The following TIE1 variants were observed in gnomAD, a reference collection of about 807,000 sequenced individuals.
TIE1 encodes the protein tyrosine kinase with immunoglobulin like and EGF like domains 1.
In TIE1, 89 loss-of-function variants were observed where a neutral mutation model predicts 130.5. The ratio of observed to expected loss-of-function variants is 0.68; its 90% CI spans 0.57 to 0.81. TIE1 has a LOEUF of 0.81. Among genes scored for constraint, TIE1 ranks in the 40% least tolerant of loss-of-function variants. The probability of loss-of-function intolerance (pLI) is 0.00; values close to 1 mark genes in which losing one functional copy is unlikely to be tolerated. For synonymous variants in TIE1, 568 were observed against 629.4 expected (o/e 0.90, Z 1.46); for missense variants, 1,392 against 1,559.8 (o/e 0.89, Z 1.81).
rs144134618 is a variant in TIE1 at position 43,319,462 on chromosome 1, C to T, written c.3040C>T (p.Arg1014Cys). 55 of 1,614,002 alleles carry T rather than the reference C, an allele frequency of 3.4e-5. No individual in the cohort carries two copies. The highest frequency in any genetic ancestry group is 1.7e-4 in the African/African-American group (13 of 74,902). Residue 1014 changes from arginine to cysteine, a missense_variant, in exon 19 of 23, where the codon CGT becomes TGT. Arg to Cys is a radical substitution (Grantham distance 180). This residue lies in a region of TIE1 where 286 missense variants were observed against 354.4 expected (regional missense o/e 0.81). Coordinates refer to ENST00000372476, the MANE Select transcript of TIE1 (RefSeq NM_005424.5). This position sits in a 1 kb window ranked among gnomAD's most constrained non-coding sequence, Gnocchi z 4.7. Reference protein sequence around the residue: ...EEVYVKKTMGRLPVRWMAIES... With the variant: ...EEVYVKKTMGCLPVRWMAIES... ...CCTCAAACCCATTCTCTCCTAGGGG[C>T]GTCTCCCTGTGCGCTGGATGGCCAT...
chr1:43,321,054 A>AG (rs1646913803), intron 19 of TIE1, among the ~76,000 whole-genome samples: 1 of 105,586 alleles, frequency 9.5e-6, no homozygotes, highest in Non-Finnish European at 2.1e-5. Flanking sequence ...AAAAAAAAAA[A>AG]CAAAACAAAA....
intron 10 of TIE1, 69 bp downstream of exon 10, chr1:43,311,898 G>C: frequency 5.1e-6 from 8 of 1,578,384 alleles, no homozygotes; most frequent in Non-Finnish European, 6.9e-6. Flanking sequence ...GTGAGCAGGA[G>C]AGGGAGGGCA....
In TIE1 at chr1:43,313,086, A is replaced by G. The variant is rs1646815852; in HGVS notation, c.1928-49A>G. 3 of 1,557,410 alleles carry G rather than the reference A, an allele frequency of 1.9e-6. No homozygotes were observed. The highest frequency in any genetic ancestry group is 2.6e-6 in the Non-Finnish European group (3 of 1,150,764). ...AGCAGATGTGTCCAGCCCCACAGCT[A>G]CATAGCCCGGTCCTATCTGAGCCTT... On this transcript the variant is annotated intron_variant, in intron 12 of 22. Transcript: ENST00000372476. This position sits in a 1 kb window ranked among gnomAD's most constrained non-coding sequence, Gnocchi z 6.2.
intron 19 of TIE1, chr1:43,320,976 T>C: frequency 2.3e-6 from 1 of 440,492 alleles, no homozygotes; most frequent in South Asian, 3.1e-5. Context: ...CCTGGGAGGT[T>C]GAGGCTGCAG....
rs1453714832 is a variant in TIE1 at position 43,315,500 on chromosome 1, A to G, written c.2409+1532A>G. ...GAAACCCCATCTCTACTAAAGCTAC[A>G]AAAATTAGCCAGGCACAGTGGCAGG... On this transcript the variant is annotated intron_variant, in intron 14 of 22. Coordinates refer to ENST00000372476, the MANE Select transcript of TIE1 (RefSeq NM_005424.5). This position sits in a 1 kb window ranked among gnomAD's most constrained non-coding sequence, Gnocchi z 4.4. 6.6e-6 allele frequency among the ~76,000 whole-genome samples: 1 copy of G among 152,140 alleles called. No individual in the cohort carries two copies. The highest frequency in any genetic ancestry group is 1.5e-5 in the Non-Finnish European group (1 of 68,018).
chr1:43,313,077 C>A lies in TIE1; in HGVS notation c.1928-58C>A. 6.5e-7 allele frequency: 1 copy of A among 1,541,426 alleles called. No homozygotes were observed. Among genetic ancestry groups the A allele is most frequent in the Non-Finnish European group, 8.8e-7 (1 of 1,140,860 alleles). The stretch of plus-strand genomic sequence containing the variant: ...CACAGCTAGAGCAGATGTGTCCAGC[C>A]CCACAGCTACATAGCCCGGTCCTAT... On this transcript the variant is annotated intron_variant, in intron 12 of 22. Coordinates refer to ENST00000372476, the MANE Select transcript of TIE1 (RefSeq NM_005424.5). The surrounding 1 kb of genome is among the most constrained non-coding windows in gnomAD (Gnocchi z 6.2).
chr1:43,311,663 C>T lies in TIE1; in HGVS notation c.1334-8C>T. 6.2e-7 allele frequency: 1 copy of T among 1,610,388 alleles called. No homozygotes were observed. Among genetic ancestry groups the T allele is most frequent in the Non-Finnish European group, 8.5e-7 (1 of 1,178,686 alleles). Reference sequence around the variant, plus strand: ...TGTGCCCATGCCTTACCCTGAGTCTCCTGGCAGTGCCCCCCGTGCCCCTGG... The same window carrying T: ...TGTGCCCATGCCTTACCCTGAGTCTTCTGGCAGTGCCCCCCGTGCCCCTGG... On this transcript the variant is annotated splice_region_variant and splice_polypyrimidine_tract_variant and intron_variant, in intron 9 of 22. Transcript: ENST00000372476.
In TIE1 at chr1:43,312,572, C is replaced by T; in HGVS notation, c.1898C>T (p.Pro633Leu). ...TGCACCCTCCTGGGCCCGGCCTCGC[C>T]CCCTGCACACGTGCTTCTGCCCCCC... is the stretch of plus-strand genomic sequence containing the variant. Reference protein sequence around the residue: ...YHCTLLGPASPPAHVLLPPSG... With the variant: ...YHCTLLGPASLPAHVLLPPSG... The change falls in exon 12 of 23, where the codon CCC becomes CTC. Residue 633 changes from proline to leucine, a missense_variant. This residue lies in a region of TIE1 where 551 missense variants were observed against 565.5 expected (regional missense o/e 0.97). Transcript: ENST00000372476. The surrounding 1 kb of genome is among the most constrained non-coding windows in gnomAD (Gnocchi z 5.6). The T allele has an allele frequency of 6.2e-7, 1 of 1,610,702 alleles. No homozygotes were observed. Among genetic ancestry groups the T allele is most frequent in the Non-Finnish European group, 8.5e-7 (1 of 1,178,520 alleles).
chr1:43,318,209 C>T lies in TIE1; in HGVS notation c.2922+137C>T, dbSNP rs1316036090. The T allele has an allele frequency of 6.2e-6, 7 of 1,137,756 alleles. No individual in the cohort carries two copies. Among genetic ancestry groups the T allele is most frequent in the Non-Finnish European group, 8.4e-6 (7 of 834,792 alleles). The allele number at this position is 1,137,756 out of a possible 1,614,324, so 70.5% of individuals were successfully genotyped here. On this transcript the variant is annotated intron_variant, in intron 17 of 22. Coordinates refer to ENST00000372476, the MANE Select transcript of TIE1 (RefSeq NM_005424.5). This position sits in a 1 kb window ranked among gnomAD's most constrained non-coding sequence, Gnocchi z 4.4. ...AGTGTGTGGGTGGGTGCAAGCACAGCGAGGAGGCAGGGCCAAGGGGCAGGT... is the reference window on the plus strand; with the variant it reads ...AGTGTGTGGGTGGGTGCAAGCACAGTGAGGAGGCAGGGCCAAGGGGCAGGT...
In TIE1 at chr1:43,318,028, G is replaced by A. The variant is rs755542003; in HGVS notation, c.2878G>A (p.Ala960Thr). ...TAGCTCCCGGCAGCTGCTGCGTTTC[G>A]CCAGTGATGCGGCCAATGGCATGCA... The part of the protein sequence containing the change: ...TLSSRQLLRF[A>T]SDAANGMQYL... The change falls in exon 17 of 23, where the codon GCC becomes ACC. Residue 960 changes from alanine (A) to threonine (T), a missense_variant. Physicochemically the swap from Ala to Thr is moderately conservative, Grantham distance 58 (BLOSUM62 0). Coordinates refer to ENST00000372476, the MANE Select transcript of TIE1 (RefSeq NM_005424.5). This position sits in a 1 kb window ranked among gnomAD's most constrained non-coding sequence, Gnocchi z 4.4. 8.2e-6 allele frequency: 13 copies of A among 1,584,432 alleles called. No individual in the cohort carries two copies. The highest frequency in any genetic ancestry group is 2.2e-5 in the East Asian group (1 of 44,644).
At position 43,319,223 on chromosome 1, in the gene TIE1, C is replaced by A. The variant is rs779686996; in HGVS notation, c.2923-12C>A. ...ATCCCCAGTCTCTCCTGACTTCTGA[C>A]CCTGCCTACAGTTCATCCACAGGGA... On this transcript the variant is annotated splice_polypyrimidine_tract_variant and intron_variant, in intron 17 of 22. Coordinates refer to ENST00000372476, the MANE Select transcript of TIE1 (RefSeq NM_005424.5). This position sits in a 1 kb window ranked among gnomAD's most constrained non-coding sequence, Gnocchi z 4.7. 6 of 1,607,948 alleles carry A rather than the reference C, an allele frequency of 3.7e-6. No individual in the cohort carries two copies. Among genetic ancestry groups the A allele is most frequent in the Admixed American group, 1.7e-5 (1 of 59,984 alleles).
chr1:43,310,897 T>C (rs1052264724), intron 9 of TIE1, among the ~76,000 whole-genome samples: 2 of 152,144 alleles, frequency 1.3e-5, no homozygotes, highest in African/African-American at 4.8e-5. Context: ...GCTCCCTCCC[T>C]CTTTCCTTCC....
rs774803318 is a variant in TIE1, at chr1:43,304,995, G to T, written c.203G>T (p.Arg68Leu). The T allele has an allele frequency of 5.3e-6, 8 of 1,522,264 alleles. No homozygotes were observed. The highest frequency in any genetic ancestry group is 2.8e-5 in the African/African-American group (2 of 72,684). The allele number at this position is 1,522,264 out of a possible 1,614,324, so 94.3% of individuals were successfully genotyped here. ...GPPLLLEKDD[R>L]IVRTPPGPPL... Reference sequence around the variant, plus strand: ...CCCCTGCTGCTGGAGAAGGACGACCGTATCGTGCGCACCCCGCCCGGGCCA... The same window carrying T: ...CCCCTGCTGCTGGAGAAGGACGACCTTATCGTGCGCACCCCGCCCGGGCCA... The change falls in exon 2 of 23, where the codon CGT (arginine) becomes CTT (leucine). Residue 68 changes from arginine to leucine, a missense_variant. By Grantham distance (102) the Arg-to-Leu change is moderately radical. Transcript: ENST00000372476.
In TIE1 at chr1:43,319,321, AGAG is replaced by A; in HGVS notation, c.3014_3016del (p.Glu1005del). ...TTGCAGACTTCGGCCTTTCTCGGGG[AGAG>A]GAGGTTTATGTGAAGAAGACGATGG... is the stretch of plus-strand genomic sequence containing the variant. On this transcript the variant is annotated inframe_deletion, in exon 18 of 23. Coordinates refer to ENST00000372476, the MANE Select transcript of TIE1 (RefSeq NM_005424.5). The surrounding 1 kb of genome is among the most constrained non-coding windows in gnomAD (Gnocchi z 4.7). 2 of 1,613,536 alleles carry A rather than the reference AGAG, an allele frequency of 1.2e-6. No individual in the cohort carries two copies. Among genetic ancestry groups the A allele is most frequent in the Non-Finnish European group, 1.7e-6 (2 of 1,179,816 alleles).
chr1:43,318,042 C>A lies in TIE1; in HGVS notation c.2892C>A (p.Ala964=), dbSNP rs1174516369. ...RQLLRFASDA[A]NGMQYLSEKQ... The stretch of plus-strand genomic sequence containing the variant: ...TGCTGCGTTTCGCCAGTGATGCGGC[C>A]AATGGCATGCAGTACCTGAGTGAGA... The change falls in exon 17 of 23, where the codon GCC becomes GCA. Residue 964 remains alanine, a synonymous_variant. Transcript: ENST00000372476. This position sits in a 1 kb window ranked among gnomAD's most constrained non-coding sequence, Gnocchi z 4.4. 6.4e-7 allele frequency: 1 copy of A among 1,573,960 alleles called. No individual in the cohort carries two copies. The highest frequency in any genetic ancestry group is 1.4e-5 in the African/African-American group (1 of 74,064).
At position 43,312,420 on chromosome 1, in the gene TIE1, G is replaced by A. The variant is rs756681044; in HGVS notation, c.1746G>A (p.Leu582=). The A allele has an allele frequency of 1.2e-6, 2 of 1,610,682 alleles. No homozygotes were observed. The highest frequency in any genetic ancestry group is 2.2e-5 in the East Asian group (1 of 44,824). Residue 582 remains leucine, a synonymous_variant, in exon 12 of 23, where the codon CTG becomes CTA. Coordinates refer to ENST00000372476, the MANE Select transcript of TIE1 (RefSeq NM_005424.5). The surrounding 1 kb of genome is among the most constrained non-coding windows in gnomAD (Gnocchi z 5.6). ...CACTGGTGGGCGACGGTTTCCTGCT[G>A]CGCCTGTGGGACGGGACACGGGGGC... is the stretch of plus-strand genomic sequence containing the variant. ...PGPLVGDGFL[L]RLWDGTRGQE... is the part of the protein sequence containing the mutation.
intron 14 of TIE1, 85 bp downstream of exon 14, chr1:43,314,053 T>TTGTGTGTGTGTGTG: frequency 8.0e-7 from 1 of 1,243,262 alleles, no homozygotes; most frequent in South Asian, 1.3e-5. Flanking sequence ...CTTGTACACC[T>TTGTGTGTGTGTGTG]TGTGTGTGTG....
At position 43,318,254 on chromosome 1, in the gene TIE1, C is replaced by G. The variant is rs577468744; in HGVS notation, c.2922+182C>G. Among the ~76,000 whole-genome samples the G allele has an allele frequency of 3.3e-5, 5 of 152,238 alleles. No individual in the cohort carries two copies. The South Asian group carries it at 1.0e-3, about 32-fold the overall frequency. ...GCAGGTCTGGAGGAGGTGGGGACTT[C>G]CAGTATGGAGGGTGCGGGTGTTGAG... On this transcript the variant is annotated intron_variant, in intron 17 of 22. Coordinates refer to ENST00000372476, the MANE Select transcript of TIE1 (RefSeq NM_005424.5). This position sits in a 1 kb window ranked among gnomAD's most constrained non-coding sequence, Gnocchi z 4.4.
In TIE1 at chr1:43,307,296, C is replaced by T; in HGVS notation, c.772+23C>T. On this transcript the variant is annotated intron_variant, in intron 5 of 22. Transcript: ENST00000372476. This position sits in a 1 kb window ranked among gnomAD's most constrained non-coding sequence, Gnocchi z 5.4. The stretch of plus-strand genomic sequence containing the variant: ...AGGGTAAGGAGGAGGGGAGCTAGGA[C>T]CCAGGCAGGAGAGGATCCCTGACTG... The T allele has an allele frequency of 6.2e-7, 1 of 1,613,912 alleles. No homozygotes were observed. Among genetic ancestry groups the T allele is most frequent in the East Asian group, 2.2e-5 (1 of 44,868 alleles).
Sources: gnomAD v4.1 joint callset for allele counts (sites outside exome capture counted in the v4.1 genomes callset) on GRCh38, gnomAD v4.1.1 for gene constraint, gnomAD v4.1.1 regional missense constraint, Gnocchi (gnomAD v3.1) non-coding constraint, MANE v1.5 for transcripts, NCBI Gene and HGNC (gene_info 2026-07-23, HGNC 2026-07-21) for gene names.